Variants in RBM20 observed in about 807,000 individuals in gnomAD.
RBM20 encodes the protein RNA-binding protein 20.
In RBM20, 51 loss-of-function variants were observed where a neutral mutation model predicts 110.1. The observed-to-expected ratio is 0.46, with a 90% confidence interval of 0.37 to 0.59. The LOEUF (loss-of-function observed/expected upper bound fraction) is 0.59, where lower values mean the gene tolerates loss of function less well. Among genes scored for constraint, RBM20 ranks in the 20% least tolerant of loss-of-function variants. RBM20 has a pLI of 0.00. For synonymous variants in RBM20, 589 were observed against 618.2 expected (o/e 0.95, Z 0.70); for missense variants, 1,512 against 1,574.9 (o/e 0.96, Z 0.68).
chr10:110,698,061 A>C (rs11195270), intron 1 of RBM20, among the ~76,000 whole-genome samples: 25,707 of 151,532 alleles, frequency 0.17, 2,455 homozygotes, highest in East Asian at 0.32. Flanking sequence ...GCGCCCACCA[A>C]CACGCCCGGC....
intron 5 of RBM20, among the ~76,000 whole-genome samples, chr10:110,796,173 C>T (rs562937777): frequency 1.3e-5 from 2 of 152,328 alleles, no homozygotes; most frequent in East Asian, 1.9e-4. Flanking sequence ...GAAGGTTCAG[C>T]ATGTCTCATC....
chr10:110,748,695 C>A (rs1051774839), intron 1 of RBM20, among the ~76,000 whole-genome samples: 7 of 152,170 alleles, frequency 4.6e-5, no homozygotes. Context: ...CTCTCTCTCT[C>A]GCTCTCTGTG....
At chr10:110,678,276 AT>A (rs1862370569) in intron 1 of RBM20, among the ~76,000 whole-genome samples, 1 of 152,236 alleles carries the variant, frequency 6.6e-6, no homozygotes, top group African/African-American at 2.4e-5. Context: ...ATGCAAAAAA[AT>A]GTTTAGGTGT....
chr10:110,764,890 T>A (rs919146075), intron 1 of RBM20, among the ~76,000 whole-genome samples: 3 of 152,230 alleles, frequency 2.0e-5, no homozygotes, highest in African/African-American at 7.2e-5. Flanking sequence ...TTTATTTGTT[T>A]CTTTTTTAAT....
At chr10:110,737,064 C>G (rs574689385) in intron 1 of RBM20, among the ~76,000 whole-genome samples, 1 of 151,216 alleles carries the variant, frequency 6.6e-6, no homozygotes, top group African/African-American at 2.4e-5. Flanking sequence ...GTAATCCCAG[C>G]TACTCGGGAG....
intron 5 of RBM20, among the ~76,000 whole-genome samples, chr10:110,793,617 A>G (rs540846452): frequency 6.6e-6 from 1 of 152,330 alleles, no homozygotes; most frequent in African/African-American, 2.4e-5. Flanking sequence ...GATAGGTTAC[A>G]TCTCCGTATT....
At chr10:110,689,064 C>T (rs1862547557) in intron 1 of RBM20, among the ~76,000 whole-genome samples, 1 of 152,056 alleles carries the variant, frequency 6.6e-6, no homozygotes, top group Non-Finnish European at 1.5e-5. Context: ...AATAATTCTA[C>T]ATTCACCTGC....
upstream of RBM20, among the ~76,000 whole-genome samples, chr10:110,643,545 T>C (rs1861818118): frequency 6.6e-6 from 1 of 152,254 alleles, no homozygotes; most frequent in Admixed American, 6.5e-5. Context: ...TTTCATCCTT[T>C]ACATTTCCAC....
chr10:110,784,937 G>GTTTA lies in RBM20; in HGVS notation c.1527+56_1527+59dup, dbSNP rs375905616. The GTTTA allele has an allele frequency of 5.9e-4, 713 of 1,207,736 alleles. 2 individuals are homozygous for GTTTA. In the African/African-American group the frequency reaches 9.6e-3, roughly 16 times the overall value. The allele number at this position is 1,207,736 out of a possible 1,614,324, so 74.8% of individuals were successfully genotyped here. A position where few individuals can be genotyped will look rare whatever the true frequency, so the allele number is the denominator to read the frequency against. ...TAGAAATTAATGAAAATGATTATTAGTTTATTTATTTGTTTGTTTATTTGA... is the reference window on the plus strand; with the variant it reads ...TAGAAATTAATGAAAATGATTATTAGTTTATTTATTTATTTGTTTGTTTATTTGA... On this transcript the variant is annotated intron_variant, in intron 5 of 13. Transcript: ENST00000369519.
intron 1 of RBM20, among the ~76,000 whole-genome samples, chr10:110,664,551 A>C (rs893928163): frequency 1.2e-4 from 19 of 152,244 alleles, no homozygotes; most frequent in African/African-American, 4.3e-4. Flanking sequence ...GTTTGAGACC[A>C]GCCTGACCAA....
chr10:110,810,874 C>T (rs1370490449), intron 8 of RBM20, among the ~76,000 whole-genome samples: 2 of 150,878 alleles, frequency 1.3e-5, no homozygotes, highest in Non-Finnish European at 2.9e-5. Context: ...CGTGTGGCTT[C>T]GTTTAGAACC....
At chr10:110,780,138 T>C (rs1269935890) in intron 1 of RBM20, among the ~76,000 whole-genome samples, 2 of 152,210 alleles carry the variant, frequency 1.3e-5, no homozygotes, top group Admixed American at 1.3e-4. Context: ...TGGTGCTGTG[T>C]ACTCTTTTTT....
intron 1 of RBM20, among the ~76,000 whole-genome samples, chr10:110,682,295 CT>C (rs1862434881): frequency 6.6e-6 from 1 of 152,150 alleles, no homozygotes; most frequent in Non-Finnish European, 1.5e-5. Context: ...GTACCTCAGT[CT>C]TTTCTTGTTT....
At chr10:110,774,410 A>T (rs560864436) in intron 1 of RBM20, among the ~76,000 whole-genome samples, 1 of 152,372 alleles carries the variant, frequency 6.6e-6, no homozygotes, top group South Asian at 2.1e-4. Flanking sequence ...AGGCCAAGCT[A>T]GTGAAGACCC....
intron 1 of RBM20, among the ~76,000 whole-genome samples, chr10:110,675,309 G>C (rs1351041050): frequency 2.6e-5 from 4 of 152,206 alleles, no homozygotes; most frequent in African/African-American, 9.7e-5. Context: ...TGATGGGCTA[G>C]GTTTGGGAGG....
At chr10:110,667,753 C>G (rs116614462) in intron 1 of RBM20, among the ~76,000 whole-genome samples, 290 of 152,212 alleles carry the variant, frequency 1.9e-3, no homozygotes, top group African/African-American at 6.5e-3. Context: ...CATTTGATCA[C>G]CTGGGAAGTG....
intron 7 of RBM20, among the ~76,000 whole-genome samples, chr10:110,807,604 G>A (rs1267215202): frequency 6.6e-6 from 1 of 152,172 alleles, no homozygotes; most frequent in African/African-American, 2.4e-5. Flanking sequence ...CCATGCACCT[G>A]AGCCCTACCC....
At chr10:110,806,235 T>G (rs1175244640) in intron 7 of RBM20, among the ~76,000 whole-genome samples, 1 of 148,316 alleles carries the variant, frequency 6.7e-6, no homozygotes, top group African/African-American at 2.5e-5. Context: ...ACCACTGCAC[T>G]CCAGCCTGGG....
At chr10:110,691,587 A>C (rs1457024708) in intron 1 of RBM20, among the ~76,000 whole-genome samples, 2 of 152,202 alleles carry the variant, frequency 1.3e-5, no homozygotes, top group African/African-American at 2.4e-5. Flanking sequence ...CTTTAGAGAA[A>C]TATCTGTTCA....
Sources: allele counts gnomAD v4.1 joint callset (sites outside exome capture counted in the v4.1 genomes callset), GRCh38; gene constraint gnomAD v4.1.1; transcripts MANE v1.5; gene names NCBI Gene and HGNC (gene_info 2026-07-23, HGNC 2026-07-21).